The following CADM2 variants were observed in gnomAD, a reference collection of about 807,000 sequenced individuals.
CADM2 encodes cell adhesion molecule 2, also known as immunoglobulin superfamily member 4D.
In CADM2, 12 loss-of-function variants were observed where a neutral mutation model predicts 49.8. The observed-to-expected ratio is 0.24, with a 90% confidence interval of 0.15 to 0.39. The LOEUF (loss-of-function observed/expected upper bound fraction) is 0.39. CADM2 is among the 10% of genes least tolerant of loss of function. The pLI, the probability that CADM2 is intolerant of heterozygous loss-of-function variation, is 1.00. For synonymous variants in CADM2, 214 were observed against 175.4 expected (o/e 1.22, Z -1.74); for missense variants, 378 against 492.3 (o/e 0.77, Z 2.20).
At chr3:85,803,458 A>C (rs1459686936) in intron 3 of CADM2, among the ~76,000 whole-genome samples, 1 of 151,736 alleles carries the variant, frequency 6.6e-6, no homozygotes, top group East Asian at 1.9e-4. Context: ...AGGGGCCTCC[A>C]GGGAGACAAA....
intron 1 of CADM2, among the ~76,000 whole-genome samples, chr3:85,302,287 C>G (rs1436671091): frequency 6.6e-6 from 1 of 151,968 alleles, no homozygotes; most frequent in Non-Finnish European, 1.5e-5. Context: ...ACACTTCAGC[C>G]TCTTTCCAGG....
chr3:85,290,140 G>A (rs1212054874), intron 1 of CADM2, among the ~76,000 whole-genome samples: 1 of 152,138 alleles, frequency 6.6e-6, no homozygotes, highest in African/African-American at 2.4e-5. Flanking sequence ...AAGCGCAAGG[G>A]GTCAGGGAGT....
chr3:84,983,958 G>A (rs1177105607), intron 1 of CADM2, among the ~76,000 whole-genome samples: 2 of 151,000 alleles, frequency 1.3e-5, no homozygotes, highest in African/African-American at 4.9e-5. Context: ...TCAAGAAATT[G>A]TTTTATAATA....
chr3:85,779,248 TAA>T (rs937493924), intron 2 of CADM2, among the ~76,000 whole-genome samples: 2 of 152,106 alleles, frequency 1.3e-5, no homozygotes, highest in African/African-American at 4.8e-5. Flanking sequence ...GTCAATAAAA[TAA>T]AGTTTATTTT....
At chr3:85,720,284 G>C (rs1228125958) in intron 1 of CADM2, among the ~76,000 whole-genome samples, 1 of 151,984 alleles carries the variant, frequency 6.6e-6, no homozygotes, top group Non-Finnish European at 1.5e-5. Context: ...TCATTATTTT[G>C]AAAAAATTCT....
intron 6 of CADM2, among the ~76,000 whole-genome samples, chr3:85,914,042 T>A (rs554609763): frequency 6.6e-6 from 1 of 152,274 alleles, no homozygotes; most frequent in African/African-American, 2.4e-5. Flanking sequence ...TTTGATTACT[T>A]TTTATATGGA....
chr3:86,058,004 A>T (rs1169472084), intron 8 of CADM2, among the ~76,000 whole-genome samples: 1 of 152,202 alleles, frequency 6.6e-6, no homozygotes, highest in Non-Finnish European at 1.5e-5. Flanking sequence ...AGCTGTTTCG[A>T]GATAACTATG....
At chr3:85,057,628 A>G (rs953725293) in intron 1 of CADM2, among the ~76,000 whole-genome samples, 2 of 152,122 alleles carry the variant, frequency 1.3e-5, no homozygotes, top group Admixed American at 1.3e-4. Context: ...TAATGTCCAT[A>G]CTTAAATGTT....
At chr3:85,347,361 G>C (rs2030789695) in intron 1 of CADM2, among the ~76,000 whole-genome samples, 1 of 148,870 alleles carries the variant, frequency 6.7e-6, no homozygotes, top group African/African-American at 2.5e-5. Context: ...ATAAAAAAGT[G>C]ATCACGTATG....
Position 85,419,387 on chromosome 3 carries a change from G to A in CADM2, c.62-307135G>A, listed in dbSNP as rs566116248. 3.9e-5 allele frequency among the ~76,000 whole-genome samples: 6 copies of A among 152,082 alleles called. No homozygotes were observed. The South Asian group carries it at 1.2e-3, about 32-fold the overall frequency. On this transcript the variant is annotated intron_variant, in intron 1 of 9. Transcript: ENST00000383699. ...ACAGGAGAATGGCGTGAACCCGGGA[G>A]GCGGAGCTTGCAGTGAGCGGAGATC... is the stretch of plus-strand genomic sequence containing the variant.
chr3:85,443,686 A>G (rs1005060936), intron 1 of CADM2, among the ~76,000 whole-genome samples: 1 of 152,136 alleles, frequency 6.6e-6, no homozygotes, highest in African/African-American at 2.4e-5. Context: ...CTTTACTGCA[A>G]TGTACCTGGC....
At chr3:85,292,465 C>T (rs989827756) in intron 1 of CADM2, among the ~76,000 whole-genome samples, 118 of 151,462 alleles carry the variant, frequency 7.8e-4, no homozygotes, top group African/African-American at 2.8e-3. Flanking sequence ...GAACTCTCCA[C>T]CCCAAATCAA....
intron 1 of CADM2, among the ~76,000 whole-genome samples, chr3:85,556,236 G>T (rs116369325): frequency 7.0e-4 from 107 of 152,178 alleles, no homozygotes; most frequent in African/African-American, 2.5e-3. Context: ...AGAAGAAAGA[G>T]GAAATATATT....
At chr3:85,697,548 T>G (rs2066608763) in intron 1 of CADM2, among the ~76,000 whole-genome samples, 1 of 152,138 alleles carries the variant, frequency 6.6e-6, no homozygotes, top group African/African-American at 2.4e-5. Context: ...AAAAATATGT[T>G]TTTGTTGTAC....
chr3:85,926,137 A>AAAATAAATAAATAAATAAAT (rs6147941), intron 6 of CADM2, among the ~76,000 whole-genome samples: 1 of 143,580 alleles, frequency 7.0e-6, no homozygotes, highest in Non-Finnish European at 1.5e-5. Context: ...CTCTGTCTCA[A>AAAATAAATAAATAAATAAAT]AAATAAATAA....
At chr3:85,297,743 T>C (rs2044000866) in intron 1 of CADM2, among the ~76,000 whole-genome samples, 1 of 152,032 alleles carries the variant, frequency 6.6e-6, no homozygotes, top group African/African-American at 2.4e-5. Context: ...TACATATTGA[T>C]CCGTGACATG....
intron 1 of CADM2, among the ~76,000 whole-genome samples, chr3:85,344,084 C>G (rs548391756): frequency 6.6e-6 from 1 of 151,896 alleles, no homozygotes; most frequent in African/African-American, 2.4e-5. Flanking sequence ...CATAATTAAG[C>G]GTTAAAATAA....
At chr3:85,226,871 C>T (rs1377061471) in intron 1 of CADM2, among the ~76,000 whole-genome samples, 3 of 152,132 alleles carry the variant, frequency 2.0e-5, no homozygotes, top group Non-Finnish European at 4.4e-5. Context: ...TTTCTGCCTT[C>T]ATTTCATTAT....
At chr3:85,538,140 G>A (rs977253868) in intron 1 of CADM2, among the ~76,000 whole-genome samples, 3 of 152,100 alleles carry the variant, frequency 2.0e-5, no homozygotes, top group African/African-American at 7.2e-5. Context: ...CTCCTTGGGT[G>A]TGGGGTTATG....
Sources: gnomAD v4.1 joint callset for allele counts (sites outside exome capture counted in the v4.1 genomes callset) on GRCh38, gnomAD v4.1.1 for gene constraint, MANE v1.5 for transcripts, NCBI Gene and HGNC (gene_info 2026-07-23, HGNC 2026-07-21) for gene names.